Variants in ZNF804A observed in about 807,000 individuals in gnomAD.
The protein encoded by ZNF804A is zinc finger protein 804A.
In ZNF804A, 2 loss-of-function variants were observed where a neutral mutation model predicts 16.5. That is an observed-to-expected ratio of 0.12 (90% CI 0.05 to 0.38). The LOEUF is 0.38. ZNF804A is among the 10% of genes least tolerant of loss of function. The pLI is 0.99. For missense variants in ZNF804A, 1,473 were observed against 1,390.7 expected, an observed-to-expected ratio of 1.06 and a Z score of -0.94; for synonymous variants, 534 against 489.6, an observed-to-expected ratio of 1.09 and a Z score of -1.20.
intron 2 of ZNF804A, among the ~76,000 whole-genome samples, chr2:184,898,152 A>G (rs1386911986): frequency 6.6e-6 from 1 of 152,132 alleles, no homozygotes; most frequent in African/African-American, 2.4e-5. Flanking sequence ...AAAAGACACT[A>G]TACTTAACCC....
In ZNF804A at chr2:184,878,218, G is replaced by A. The variant is rs535235293; in HGVS notation, c.255+11706G>A. ...TAGTAAGATAACTGATTTGAGACCT[G>A]GTAATCCTGCTATGGACAACAAAGA... On this transcript the variant is annotated intron_variant, in intron 2 of 3. Transcript: ENST00000302277. 6.6e-5 allele frequency among the ~76,000 whole-genome samples: 10 copies of A among 152,106 alleles called. 1 individual carries two copies. The South Asian group carries it at 2.1e-3, about 32-fold the overall frequency.
At chr2:184,881,081 T>C (rs1684803593) in intron 2 of ZNF804A, among the ~76,000 whole-genome samples, 1 of 152,030 alleles carries the variant, frequency 6.6e-6, no homozygotes, top group African/African-American at 2.4e-5. Context: ...CAAAACGAGC[T>C]GATAGAGCTG....
chr2:184,822,888 T>G (rs1049509440), intron 1 of ZNF804A, among the ~76,000 whole-genome samples: 2 of 152,132 alleles, frequency 1.3e-5, no homozygotes, highest in African/African-American at 4.8e-5. Flanking sequence ...TGATTTGATC[T>G]AAAGAAAATG....
At chr2:184,912,920 A>G (rs1394390188) in intron 2 of ZNF804A, among the ~76,000 whole-genome samples, 1 of 152,044 alleles carries the variant, frequency 6.6e-6, no homozygotes, top group Non-Finnish European at 1.5e-5. Context: ...GATGCACACA[A>G]TTGTTTAATT....
intron 1 of ZNF804A, among the ~76,000 whole-genome samples, chr2:184,790,207 T>G (rs1006702229): frequency 1.1e-4 from 17 of 150,880 alleles, no homozygotes; most frequent in Non-Finnish European, 1.3e-4. Context: ...CAACTTCATG[T>G]TTTTTTTGCT....
At chr2:184,864,920 G>A (rs536594171) in intron 1 of ZNF804A, among the ~76,000 whole-genome samples, 59 of 125,628 alleles carry the variant, frequency 4.7e-4, no homozygotes, top group African/African-American at 1.9e-3. Flanking sequence ...TTGCTCTGTC[G>A]CCCAGGCTGG....
chr2:184,827,465 T>C (rs1695184215), intron 1 of ZNF804A, among the ~76,000 whole-genome samples: 1 of 146,570 alleles, frequency 6.8e-6, no homozygotes, highest in African/African-American at 2.5e-5. Context: ...TATATTTATA[T>C]ATACTATAAT....
At chr2:184,652,384 A>G (rs944270133) in intron 1 of ZNF804A, among the ~76,000 whole-genome samples, 9 of 152,164 alleles carry the variant, frequency 5.9e-5, no homozygotes, top group Non-Finnish European at 1.2e-4. Flanking sequence ...AAACCTCAGC[A>G]ATGTACCTAG....
At chr2:184,808,202 A>G (rs182661005) in intron 1 of ZNF804A, among the ~76,000 whole-genome samples, 1 of 151,748 alleles carries the variant, frequency 6.6e-6, no homozygotes, top group East Asian at 1.9e-4. Flanking sequence ...AGCATGTATC[A>G]TACACAATGT....
At position 184,936,153 on chromosome 2, in the gene ZNF804A, G is replaced by T; in HGVS notation, c.757G>T (p.Val253Phe). The T allele has an allele frequency of 6.2e-7, 1 of 1,614,012 alleles. No individual in the cohort carries two copies. The highest frequency in any genetic ancestry group is 1.1e-5 in the South Asian group (1 of 91,078). ...GKGFSRKSRF[V>F]PSACHLQQSS... ...AGGATTTAGCAGAAAAAGTAGATTT[G>T]TCCCCAGTGCTTGTCATCTTCAACA... Residue 253 changes from valine (V) to phenylalanine (F), a missense_variant, in exon 4 of 4, where the codon GTC becomes TTC. Physicochemically the swap from Val to Phe is conservative, Grantham distance 50. Coordinates refer to ENST00000302277, the MANE Select transcript of ZNF804A (RefSeq NM_194250.2).
intron 1 of ZNF804A, among the ~76,000 whole-genome samples, chr2:184,736,000 A>G (rs1693600417): frequency 6.6e-6 from 1 of 152,230 alleles, no homozygotes; most frequent in Non-Finnish European, 1.5e-5. Context: ...TATGAAATAT[A>G]AGTATCCTGA....
At chr2:184,638,560 C>A (rs2105691728) in intron 1 of ZNF804A, among the ~76,000 whole-genome samples, 1 of 152,252 alleles carries the variant, frequency 6.6e-6, no homozygotes, top group East Asian at 1.9e-4. Flanking sequence ...AAAGTATTTT[C>A]ATCAGATTTC....
Position 184,862,603 on chromosome 2 carries a change from T to C in ZNF804A, c.112-3766T>C, listed in dbSNP as rs1014093881. 2.0e-5 allele frequency among the ~76,000 whole-genome samples: 3 copies of C among 152,290 alleles called. No individual in the cohort carries two copies. In the South Asian group the frequency reaches 6.2e-4, roughly 32 times the overall value. ...TATATCAAAATGTTAACAATAATTT[T>C]ATTTAAGTGAAAATCATATGAGTCT... On this transcript the variant is annotated intron_variant, in intron 1 of 3. Coordinates refer to ENST00000302277, the MANE Select transcript of ZNF804A (RefSeq NM_194250.2).
intron 2 of ZNF804A, among the ~76,000 whole-genome samples, chr2:184,922,650 G>A (rs1685547679): frequency 6.6e-6 from 1 of 151,984 alleles, no homozygotes; most frequent in Non-Finnish European, 1.5e-5. Flanking sequence ...GGGTCTGTGA[G>A]TTATTGCTCA....
chr2:184,844,549 T>G (rs1695485191), intron 1 of ZNF804A, among the ~76,000 whole-genome samples: 1 of 152,074 alleles, frequency 6.6e-6, no homozygotes, highest in Non-Finnish European at 1.5e-5. Context: ...TCTTGCATGA[T>G]TTCTGATGAG....
At chr2:184,613,023 T>G (rs993705424) in intron 1 of ZNF804A, among the ~76,000 whole-genome samples, 5 of 152,242 alleles carry the variant, frequency 3.3e-5, no homozygotes, top group African/African-American at 1.2e-4. Context: ...ATACCACAAT[T>G]TAACTCACAT....
At chr2:184,787,027 T>C (rs1330541042) in intron 1 of ZNF804A, among the ~76,000 whole-genome samples, 1 of 151,904 alleles carries the variant, frequency 6.6e-6, no homozygotes, top group African/African-American at 2.4e-5. Context: ...ATATGTGTAA[T>C]GGTTGGGGTT....
chr2:184,882,426 A>G (rs1293218854), intron 2 of ZNF804A, among the ~76,000 whole-genome samples: 1 of 152,122 alleles, frequency 6.6e-6, no homozygotes, highest in Non-Finnish European at 1.5e-5. Context: ...AAAGATATTC[A>G]GGACTTGAAC....
chr2:184,727,069 T>C (rs1693425631), intron 1 of ZNF804A, among the ~76,000 whole-genome samples: 2 of 151,562 alleles, frequency 1.3e-5, no homozygotes, highest in South Asian at 2.1e-4. Flanking sequence ...ACATAAAACA[T>C]AACATTTTCT....
Sources: allele counts gnomAD v4.1 joint callset (sites outside exome capture counted in the v4.1 genomes callset), GRCh38; gene constraint gnomAD v4.1.1; transcripts MANE v1.5; gene names NCBI Gene and HGNC (gene_info 2026-07-23, HGNC 2026-07-21).